Variants in TRDN observed in about 807,000 individuals in gnomAD.
The protein encoded by TRDN is triadin, also known as triadin in skeletal muscle.
Under a neutral mutation model 149.7 loss-of-function variants are expected in TRDN, and 161 were observed. That is an observed-to-expected ratio of 1.08 (90% CI 0.95 to 1.23). TRDN has a LOEUF of 1.23. TRDN is among the 50% of genes most tolerant of loss of function. The pLI is 0.00. For synonymous variants in TRDN, 294 were observed against 250.5 expected, an observed-to-expected ratio of 1.17 and a Z score of -1.64; for missense variants, 896 against 823.5, an observed-to-expected ratio of 1.09 and a Z score of -1.08.
In TRDN at chr6:123,444,144, G is replaced by A. The variant is rs9388244; in HGVS notation, c.932-5141C>T. Among the ~76,000 whole-genome samples the A allele has an allele frequency of 8.4e-3, 1,072 of 127,544 alleles. 9 individuals carry two copies. The highest frequency in any genetic ancestry group is 0.021 in the African/African-American group (572 of 27,654). 83.7% of individuals were successfully genotyped at this position (127,544 alleles called of 152,430 possible). The stretch of plus-strand genomic sequence containing the variant: ...CATTTTCATGATATTGATTCTTCCT[G>A]CCCATGAGCATGGAATGTTCTTCCA... On this transcript the variant is annotated intron_variant, in intron 10 of 40. Coordinates refer to ENST00000334268, the MANE Select transcript of TRDN (RefSeq NM_006073.4).
chr6:123,611,438 G>A (rs1784803778), intron 1 of TRDN, among the ~76,000 whole-genome samples: 1 of 151,956 alleles, frequency 6.6e-6, no homozygotes, highest in African/African-American at 2.4e-5. Flanking sequence ...TAATTTTTAT[G>A]TATTATCCAT....
intron 1 of TRDN, among the ~76,000 whole-genome samples, chr6:123,582,901 T>C (rs1380485317): frequency 1.3e-5 from 2 of 151,936 alleles, no homozygotes; most frequent in African/African-American, 4.8e-5. Flanking sequence ...GAGATTAAGC[T>C]GAAGGAAGAT....
chr6:123,596,289 G>A (rs2114634604), intron 1 of TRDN, among the ~76,000 whole-genome samples: 1 of 152,196 alleles, frequency 6.6e-6, no homozygotes, highest in South Asian at 2.1e-4. Flanking sequence ...GCTTAGAGAA[G>A]TAAGGAAGCT....
At chr6:123,352,291 G>T (rs1434426591) in intron 21 of TRDN, 1 of 984,862 alleles carries the variant, frequency 1.0e-6, no homozygotes. Context: ...CATGTCCCCT[G>T]ATGTAATTAA....
intron 8 of TRDN, chr6:123,502,627 TTTC>T: frequency 5.1e-6 from 5 of 984,978 alleles, no homozygotes; most frequent in Non-Finnish European, 6.0e-6. Context: ...GCAAATTTCA[TTTC>T]TTGTGCCTTA....
intron 39 of TRDN, among the ~76,000 whole-genome samples, chr6:123,222,648 T>A (rs1213178386): frequency 6.6e-6 from 1 of 151,810 alleles, no homozygotes; most frequent in Non-Finnish European, 1.5e-5. Flanking sequence ...GAATTTATAC[T>A]TCGTTGGCTA....
At chr6:123,391,839 C>T (rs1024230336) in intron 13 of TRDN, among the ~76,000 whole-genome samples, 3 of 152,080 alleles carry the variant, frequency 2.0e-5, no homozygotes, top group African/African-American at 4.8e-5. Flanking sequence ...AAAAATCAGT[C>T]TACTATAGGA....
At chr6:123,607,495 T>C (rs549292865) in intron 1 of TRDN, among the ~76,000 whole-genome samples, 1 of 152,302 alleles carries the variant, frequency 6.6e-6, no homozygotes, top group East Asian at 1.9e-4. Flanking sequence ...CATGTGGAGA[T>C]TGTATTTTCA....
At chr6:123,425,391 A>AT (rs1325239142) in intron 12 of TRDN, among the ~76,000 whole-genome samples, 2 of 151,902 alleles carry the variant, frequency 1.3e-5, no homozygotes, top group African/African-American at 4.8e-5. Context: ...TGAAGGTGTG[A>AT]TTTTGGAGTT....
At chr6:123,468,620 G>A (rs1776972377) in intron 9 of TRDN, among the ~76,000 whole-genome samples, 1 of 152,112 alleles carries the variant, frequency 6.6e-6, no homozygotes, top group Admixed American at 6.6e-5. Flanking sequence ...AAGGTAGGAG[G>A]CTATGAGCTG....
chr6:123,276,576 T>C lies in TRDN; in HGVS notation c.1567+1742A>G, dbSNP rs1017675434. On this transcript the variant is annotated intron_variant, in intron 26 of 40. Transcript: ENST00000334268. ...AAATTCTCAGCCTATCTAGACAGTG[T>C]GCCATGGAGATAGAGCCAAGGTTGT... Among the ~76,000 whole-genome samples the C allele has an allele frequency of 1.3e-4, 20 of 152,146 alleles. 1 individual carries two copies. The highest frequency in any genetic ancestry group is 1.5e-5 in the Non-Finnish European group (1 of 68,024).
At chr6:123,309,829 T>C (rs1378772856) in intron 24 of TRDN, among the ~76,000 whole-genome samples, 3 of 152,042 alleles carry the variant, frequency 2.0e-5, no homozygotes, top group Admixed American at 2.0e-4. Flanking sequence ...TGTCATTTGT[T>C]ACCATAAAAT....
At chr6:123,633,871 A>G (rs529013941) in intron 1 of TRDN, among the ~76,000 whole-genome samples, 2 of 152,166 alleles carry the variant, frequency 1.3e-5, no homozygotes, top group South Asian at 2.1e-4. Context: ...GGGATGAGCC[A>G]TGGGAGGCAT....
At chr6:123,344,075 T>G (rs186225919) in intron 21 of TRDN, among the ~76,000 whole-genome samples, 70 of 152,178 alleles carry the variant, frequency 4.6e-4, no homozygotes, top group African/African-American at 1.5e-3. Flanking sequence ...ATCACCATTC[T>G]AGCAGCCTGA....
At chr6:123,446,745 A>G (rs1168197802) in intron 10 of TRDN, among the ~76,000 whole-genome samples, 1 of 152,138 alleles carries the variant, frequency 6.6e-6, no homozygotes, top group Non-Finnish European at 1.5e-5. Flanking sequence ...TGAGTAACAT[A>G]GGAAGCCAGT....
At chr6:123,372,882 G>T (rs1429145427) in intron 19 of TRDN, among the ~76,000 whole-genome samples, 1 of 152,040 alleles carries the variant, frequency 6.6e-6, no homozygotes, top group African/African-American at 2.4e-5. Context: ...AGGTAGGGGA[G>T]GTGGGTGTGT....
At chr6:123,452,549 T>C (rs1583053877) in intron 10 of TRDN, among the ~76,000 whole-genome samples, 1 of 148,376 alleles carries the variant, frequency 6.7e-6, no homozygotes, top group South Asian at 2.1e-4. Context: ...AACCAAGGAG[T>C]CGAAAGACCT....
chr6:123,438,072 C>G lies in TRDN; in HGVS notation c.1042G>C (p.Glu348Gln), dbSNP rs763763290. ...KSEKETAIDV[E>Q]KKEPGKASET... ...AAAGAAAGTGCAATACCTTTTTTTT[C>G]CACATCAATGGCAGTTTCCTTCTCA... Residue 348 changes from glutamate (E) to glutamine (Q), a missense_variant, in exon 12 of 41, where the codon GAA becomes CAA. Glu to Gln is a conservative substitution (Grantham distance 29). Transcript: ENST00000334268. 61 of 1,593,618 alleles carry G rather than the reference C, an allele frequency of 3.8e-5. No homozygotes were observed. Among genetic ancestry groups the G allele is most frequent in the Non-Finnish European group, 4.7e-5 (55 of 1,172,380 alleles).
intron 1 of TRDN, among the ~76,000 whole-genome samples, chr6:123,585,707 C>T (rs1783441861): frequency 6.6e-6 from 1 of 152,062 alleles, no homozygotes; most frequent in South Asian, 2.1e-4. Flanking sequence ...GAATCCTGGG[C>T]TGCAGGCATT....
Sources: gnomAD v4.1 joint callset for allele counts (sites outside exome capture counted in the v4.1 genomes callset) on GRCh38, gnomAD v4.1.1 for gene constraint, MANE v1.5 for transcripts, NCBI Gene and HGNC (gene_info 2026-07-23, HGNC 2026-07-21) for gene names.